Variants in ARL15 observed in about 807,000 individuals in gnomAD.
The protein encoded by ARL15 is ARF like GTPase 15, also known as ADP-ribosylation factor-like protein 15.
Under a neutral mutation model 25.2 loss-of-function variants are expected in ARL15, and 19 were observed. The ratio of observed to expected loss-of-function variants is 0.75; its 90% CI spans 0.53 to 1.10. ARL15 has a LOEUF of 1.10. ARL15 is among the 50% of genes least tolerant of loss of function. The pLI is 0.00. For missense variants in ARL15, 220 were observed against 246.0 expected (o/e 0.89, Z 0.71); for synonymous variants, 94 against 86.8 (o/e 1.08, Z -0.46).
chr5:54,168,688 A>T (rs1395544953), intron 2 of ARL15, among the ~76,000 whole-genome samples: 2 of 151,986 alleles, frequency 1.3e-5, no homozygotes, highest in African/African-American at 4.8e-5. Flanking sequence ...TATGCTTTCT[A>T]TCCCTAACTC....
chr5:54,225,685 C>T (rs1316261394), intron 1 of ARL15, among the ~76,000 whole-genome samples: 13 of 152,106 alleles, frequency 8.5e-5, no homozygotes, highest in African/African-American at 2.2e-4. Context: ...TGGCAGAGTT[C>T]ATTCACAGTG....
At chr5:54,041,366 C>T (rs2111945584) in intron 4 of ARL15, among the ~76,000 whole-genome samples, 1 of 152,306 alleles carries the variant, frequency 6.6e-6, no homozygotes, top group South Asian at 2.1e-4. Flanking sequence ...CTGAAAACTA[C>T]ATCTGCACAA....
chr5:54,068,183 A>G (rs1480166325), intron 4 of ARL15, among the ~76,000 whole-genome samples: 1 of 152,204 alleles, frequency 6.6e-6, no homozygotes, highest in Non-Finnish European at 1.5e-5. Flanking sequence ...TCTTCTTCCC[A>G]TTTTAACAGA....
intron 4 of ARL15, among the ~76,000 whole-genome samples, chr5:53,896,988 T>C (rs1265638572): frequency 1.3e-5 from 2 of 152,214 alleles, no homozygotes; most frequent in African/African-American, 2.4e-5. Flanking sequence ...CCACCTAAGA[T>C]TCTAGATAAT....
In ARL15 at chr5:53,982,440, G is replaced by T. The variant is rs572927698; in HGVS notation, c.463-95727C>A. 9.3e-5 allele frequency among the ~76,000 whole-genome samples: 14 copies of T among 151,328 alleles called. No homozygotes were observed. The East Asian group carries it at 1.6e-3, about 17-fold the overall frequency. ...TATGAGTGAGAACATGAGGTGTTTG[G>T]TTTTTTGTTCCTGTGTTAGTTTGCT... On this transcript the variant is annotated intron_variant, in intron 4 of 4. Coordinates refer to ENST00000504924, the MANE Select transcript of ARL15 (RefSeq NM_019087.3).
At position 54,132,639 on chromosome 5, in the gene ARL15, T is replaced by TAC. The variant is rs879578936; in HGVS notation, c.254-19230_254-19229insGT. On this transcript the variant is annotated intron_variant, in intron 3 of 4. Coordinates refer to ENST00000504924, the MANE Select transcript of ARL15 (RefSeq NM_019087.3). Reference sequence around the variant, plus strand: ...GATAAAAGAATGGCTACTCCATAGATAGGGGCTGCTGGTTGCCATTTTTAT... The same window carrying TAC: ...GATAAAAGAATGGCTACTCCATAGATACAGGGGCTGCTGGTTGCCATTTTTAT... Among the ~76,000 whole-genome samples the TAC allele has an allele frequency of 1.6e-3, 248 of 152,346 alleles. 2 individuals are homozygous for TAC. Among genetic ancestry groups the TAC allele is most frequent in the Admixed American group, 8.1e-3 (124 of 15,304 alleles).
At chr5:54,131,338 C>T (rs1753428750) in intron 3 of ARL15, among the ~76,000 whole-genome samples, 1 of 152,134 alleles carries the variant, frequency 6.6e-6, no homozygotes, top group Non-Finnish European at 1.5e-5. Flanking sequence ...CTCGTGTTTT[C>T]CCCTTACACC....
At chr5:53,974,044 A>T (rs1369095142) in intron 4 of ARL15, among the ~76,000 whole-genome samples, 1 of 152,168 alleles carries the variant, frequency 6.6e-6, no homozygotes, top group East Asian at 1.9e-4. Context: ...TGGGAAACTG[A>T]TTCCACATAA....
intron 1 of ARL15, among the ~76,000 whole-genome samples, chr5:54,177,586 G>C (rs954680208): frequency 6.6e-6 from 1 of 152,212 alleles, no homozygotes. Flanking sequence ...AACAGTGCCA[G>C]ACATTTTGTA....
intron 4 of ARL15, among the ~76,000 whole-genome samples, chr5:53,969,226 A>G (rs1747661322): frequency 6.6e-6 from 1 of 152,216 alleles, no homozygotes; most frequent in African/African-American, 2.4e-5. Flanking sequence ...ATATATTTAC[A>G]TAATAGGCAT....
At chr5:54,104,661 A>G in intron 4 of ARL15, among the ~76,000 whole-genome samples, 1 of 152,176 alleles carries the variant, frequency 6.6e-6, no homozygotes, top group East Asian at 1.9e-4. Flanking sequence ...TTTTTAACAT[A>G]TAAAAATTAT....
At chr5:54,267,768 TTTTC>T (rs1328260832) in intron 1 of ARL15, among the ~76,000 whole-genome samples, 6 of 152,194 alleles carry the variant, frequency 3.9e-5, no homozygotes, top group Non-Finnish European at 8.8e-5. Context: ...TTGAAAATTC[TTTTC>T]TTTAAGAATG....
At chr5:54,201,509 C>T (rs144201150) in intron 1 of ARL15, among the ~76,000 whole-genome samples, 7 of 152,174 alleles carry the variant, frequency 4.6e-5, no homozygotes, top group Admixed American at 6.5e-5. Flanking sequence ...GATCATCCTT[C>T]TCCTCCACCA....
chr5:54,024,529 T>C (rs892512348), intron 4 of ARL15, among the ~76,000 whole-genome samples: 10 of 152,298 alleles, frequency 6.6e-5, no homozygotes, highest in Middle Eastern at 3.4e-3. Context: ...TTAGGGTCGG[T>C]ATGGTACTAA....
chr5:53,972,464 T>C (rs540244151), intron 4 of ARL15, among the ~76,000 whole-genome samples: 8 of 152,320 alleles, frequency 5.3e-5, no homozygotes, highest in African/African-American at 1.7e-4. Context: ...GTTAACCTTA[T>C]TACCTTGAAC....
chr5:53,939,863 A>G (rs2112080981), intron 4 of ARL15, among the ~76,000 whole-genome samples: 1 of 152,372 alleles, frequency 6.6e-6, no homozygotes, highest in East Asian at 1.9e-4. Flanking sequence ...TTAAACACTG[A>G]TTCAAACAAA....
chr5:54,047,603 T>G (rs1467692584), intron 4 of ARL15, among the ~76,000 whole-genome samples: 1 of 152,178 alleles, frequency 6.6e-6, no homozygotes, highest in Admixed American at 6.5e-5. Context: ...TAAAAAGTTG[T>G]GGAGGGAGTT....
intron 1 of ARL15, among the ~76,000 whole-genome samples, chr5:54,217,508 C>T (rs1010913316): frequency 2.6e-5 from 4 of 152,170 alleles, no homozygotes; most frequent in East Asian, 1.9e-4. Flanking sequence ...CTAAGGATAG[C>T]GTTATTCCCT....
chr5:54,262,544 A>G (rs9292045), intron 1 of ARL15, among the ~76,000 whole-genome samples: 1 of 152,020 alleles, frequency 6.6e-6, no homozygotes, highest in African/African-American at 2.4e-5. Context: ...GTTAATAACT[A>G]TATTTCTACT....
Sources: gnomAD v4.1 joint callset for allele counts (sites outside exome capture counted in the v4.1 genomes callset) on GRCh38, gnomAD v4.1.1 for gene constraint, MANE v1.5 for transcripts, NCBI Gene and HGNC (gene_info 2026-07-23, HGNC 2026-07-21) for gene names.